KIAA1549: variants seen among roughly 807,000 people sequenced by gnomAD.
The protein encoded by KIAA1549 is KIAA1549.
KIAA1549 carries 70 observed loss-of-function variants against 156.4 expected under a neutral mutation model. The observed-to-expected ratio is 0.45, with a 90% CI of 0.37 to 0.55. KIAA1549 has a LOEUF of 0.55. Ranked by LOEUF, KIAA1549 falls within the 20% of genes least tolerant of loss-of-function variation. The pLI, the probability that KIAA1549 is intolerant of heterozygous loss-of-function variation, is 0.00. For missense variants in KIAA1549, 2,428 were observed against 2,540.9 expected, an observed-to-expected ratio of 0.96 and a Z score of 0.96; for synonymous variants, 1,103 against 1,066.4, an observed-to-expected ratio of 1.03 and a Z score of -0.67.
At chr7:138,890,699 T>G (rs1811521841) in intron 10 of KIAA1549, among the ~76,000 whole-genome samples, 1 of 152,206 alleles carries the variant, frequency 6.6e-6, no homozygotes, top group Non-Finnish European at 1.5e-5. Flanking sequence ...GGGAATGAGC[T>G]GACCTTGGCT....
In KIAA1549 at chr7:138,918,037, A is replaced by G; in HGVS notation, c.1589T>C (p.Val530Ala). 1 of 1,610,950 alleles carries G rather than the reference A, an allele frequency of 6.2e-7. No individual in the cohort carries two copies. Among genetic ancestry groups the G allele is most frequent in the South Asian group, 1.1e-5 (1 of 90,368 alleles). Reference sequence around the variant, plus strand: ...AGCAGTAGGATCAAGTGACGCCGGCACAGAGAGGCGGCCGTGGGCAGGGGG... The same window carrying G: ...AGCAGTAGGATCAAGTGACGCCGGCGCAGAGAGGCGGCCGTGGGCAGGGGG... ...QVPPAHGRLS[V>A]PASLDPTAGS... The change falls in exon 2 of 20, where the codon GTG becomes GCG. Residue 530 changes from valine (V) to alanine (A), a missense_variant. By Grantham distance (64) the Val-to-Ala change is moderately conservative (BLOSUM62 0). This residue lies in a region of KIAA1549 where 893 missense variants were observed against 847.9 expected (regional missense o/e 1.05). Transcript: ENST00000422774. The surrounding 1 kb of genome is among the most constrained non-coding windows in gnomAD (Gnocchi z 4.2).
intron 1 of KIAA1549, among the ~76,000 whole-genome samples, chr7:138,972,916 G>A (rs1420191310): frequency 6.6e-6 from 1 of 152,154 alleles, no homozygotes; most frequent in Non-Finnish European, 1.5e-5. Context: ...CCGCCTCCCA[G>A]ATTCAAGTGA....
intron 12 of KIAA1549, among the ~76,000 whole-genome samples, chr7:138,875,306 A>G (rs990508252): frequency 8.4e-6 from 1 of 119,368 alleles, no homozygotes; most frequent in Non-Finnish European, 1.8e-5. Flanking sequence ...CCATAAATTT[A>G]TATGTTTTCT....
At chr7:138,899,513 T>C (rs1194330988) in intron 8 of KIAA1549, among the ~76,000 whole-genome samples, 1 of 152,226 alleles carries the variant, frequency 6.6e-6, no homozygotes, top group Non-Finnish European at 1.5e-5. Flanking sequence ...GGTACATCCC[T>C]GGTTCTCTGA....
At chr7:138,929,307 A>G (rs1375772908) in intron 1 of KIAA1549, among the ~76,000 whole-genome samples, 33 of 152,240 alleles carry the variant, frequency 2.2e-4, no homozygotes, top group Admixed American at 2.2e-3. Flanking sequence ...CACCAGCACT[A>G]GGTTCCATCT....
In KIAA1549 at chr7:138,919,329, G is replaced by A. The variant is rs148061561; in HGVS notation, c.297C>T (p.Pro99=). The A allele has an allele frequency of 1.3e-4, 202 of 1,613,962 alleles. No homozygotes were observed. Among genetic ancestry groups the A allele is most frequent in the Admixed American group, 1.1e-3 (66 of 60,024 alleles). Residue 99 remains proline (P), a synonymous_variant, in exon 2 of 20, where the codon CCC becomes CCT. Coordinates refer to ENST00000422774, the MANE Select transcript of KIAA1549 (RefSeq NM_001164665.2). ...AAQVALTETA[P]GSQHSSPLHV... is the part of the protein sequence containing the mutation. ...GGAGAGGACTGCTGTGCTGGGAGCC[G>A]GGAGCAGTTTCTGTTAAGGCCACTT...
chr7:138,838,812 C>T (rs1190587223), intron 19 of KIAA1549, among the ~76,000 whole-genome samples: 2 of 152,116 alleles, frequency 1.3e-5, no homozygotes, highest in East Asian at 1.9e-4. Context: ...GTTCTTTCTA[C>T]GTTTCACTTC....
chr7:138,906,015 G>A (rs574842018), intron 6 of KIAA1549, among the ~76,000 whole-genome samples: 3 of 152,162 alleles, frequency 2.0e-5, no homozygotes, highest in South Asian at 2.1e-4. Flanking sequence ...CCACAGATTC[G>A]TCCTCCCTAA....
chr7:138,968,786 G>C (rs914588194), intron 1 of KIAA1549, among the ~76,000 whole-genome samples: 1 of 151,140 alleles, frequency 6.6e-6, no homozygotes, highest in Non-Finnish European at 1.5e-5. Context: ...CGTGAACCTG[G>C]GAGGCAGAGC....
intron 15 of KIAA1549, among the ~76,000 whole-genome samples, chr7:138,863,285 A>G (rs1485697740): frequency 6.6e-6 from 1 of 151,514 alleles, no homozygotes; most frequent in East Asian, 1.9e-4. Context: ...ACGTGCCTGC[A>G]GTTTAGCCCA....
In KIAA1549 at chr7:138,917,402, C is replaced by T. The variant is rs779525532; in HGVS notation, c.2224G>A (p.Ala742Thr). The T allele has an allele frequency of 1.2e-6, 2 of 1,613,922 alleles. No individual in the cohort carries two copies. Among genetic ancestry groups the T allele is most frequent in the Non-Finnish European group, 1.7e-6 (2 of 1,179,852 alleles). The change falls in exon 2 of 20, where the codon GCT becomes ACT. Residue 742 changes from alanine (A) to threonine (T), a missense_variant. This residue lies in a region of KIAA1549 where 762 missense variants were observed against 901.6 expected (regional missense o/e 0.85). Coordinates refer to ENST00000422774, the MANE Select transcript of KIAA1549 (RefSeq NM_001164665.2). ...TCAATGAAAGCTGAGGTAAAATGAGCTTCTGAATCCGTCAGTGAAACCGTA... is the reference window on the plus strand; with the variant it reads ...TCAATGAAAGCTGAGGTAAAATGAGTTTCTGAATCCGTCAGTGAAACCGTA... ...ASTVSLTDSE[A>T]HFTSAFIETT...
chr7:138,895,763 A>T (rs1298341920), intron 9 of KIAA1549, among the ~76,000 whole-genome samples: 6 of 152,152 alleles, frequency 3.9e-5, no homozygotes, highest in Non-Finnish European at 8.8e-5. Flanking sequence ...TGTTTTCCAA[A>T]ATGAAGCTTC....
chr7:138,836,653 A>T lies in KIAA1549; in HGVS notation c.*1253T>A, dbSNP rs1357341021. The stretch of plus-strand genomic sequence containing the variant: ...TGGGGGAAATGTTTACATCAGGAGT[A>T]CATCTTAAGCGAGATGATCCCCTCT... On this transcript the variant is annotated 3_prime_UTR_variant, in exon 20 of 20. Coordinates refer to ENST00000422774, the MANE Select transcript of KIAA1549 (RefSeq NM_001164665.2). The T allele has an allele frequency of 4.6e-6, 1 of 219,188 alleles. No homozygotes were observed. Among genetic ancestry groups the T allele is most frequent in the African/African-American group, 2.2e-5 (1 of 44,550 alleles). 13.6% of individuals were successfully genotyped at this position (219,188 alleles called of 1,614,324 possible). A position where few individuals can be genotyped will look rare whatever the true frequency, so the allele number is the denominator to read the frequency against.
At chr7:138,925,245 A>G (rs1812679849) in intron 1 of KIAA1549, among the ~76,000 whole-genome samples, 1 of 151,984 alleles carries the variant, frequency 6.6e-6, no homozygotes, top group Non-Finnish European at 1.5e-5. Flanking sequence ...ACGAAGTGGT[A>G]CCCTTACATT....
chr7:138,943,218 C>T (rs566868479), intron 1 of KIAA1549, among the ~76,000 whole-genome samples: 46 of 152,306 alleles, frequency 3.0e-4, no homozygotes, highest in Non-Finnish European at 5.7e-4. Flanking sequence ...ACGAGTCCCC[C>T]TCGAGTCCCA....
At chr7:138,870,317 G>A (rs1269561168) in intron 13 of KIAA1549, among the ~76,000 whole-genome samples, 3 of 152,038 alleles carry the variant, frequency 2.0e-5, no homozygotes, top group African/African-American at 7.3e-5. Flanking sequence ...ACTGTGTGGT[G>A]CACTGGAGTC....
chr7:138,894,522 G>A lies in KIAA1549; in HGVS notation c.3852C>T (p.Val1284=), dbSNP rs1291710494. Residue 1284 remains valine (V), a synonymous_variant, in exon 10 of 20, where the codon GTC becomes GTT. Coordinates refer to ENST00000422774, the MANE Select transcript of KIAA1549 (RefSeq NM_001164665.2). ...YRIQGVIAQP[V]DRVKRPSPES... ...CCGGAGACGGCCTCTTCACCCTGTC[G>A]ACAGCTGCAGACAAGGAAGAAAGGT... is the stretch of plus-strand genomic sequence containing the variant. The A allele has an allele frequency of 5.6e-6, 9 of 1,613,846 alleles. No individual in the cohort carries two copies. The highest frequency in any genetic ancestry group is 1.1e-5 in the South Asian group (1 of 91,054).
At chr7:138,853,775 T>C (rs2130352371) in intron 16 of KIAA1549, among the ~76,000 whole-genome samples, 1 of 152,244 alleles carries the variant, frequency 6.6e-6, no homozygotes, top group East Asian at 1.9e-4. Context: ...CCATTCCTTT[T>C]CCAAATAATT....
chr7:138,939,630 G>A (rs1372914397), intron 1 of KIAA1549, among the ~76,000 whole-genome samples: 1 of 152,162 alleles, frequency 6.6e-6, no homozygotes, highest in Admixed American at 6.5e-5. Flanking sequence ...TCCCTAGGTG[G>A]TCCTCTGTAT....
Sources: allele counts gnomAD v4.1 joint callset (sites outside exome capture counted in the v4.1 genomes callset), GRCh38; gene constraint gnomAD v4.1.1; regional missense constraint gnomAD v4.1.1; non-coding constraint Gnocchi (gnomAD v3.1); transcripts MANE v1.5; gene names NCBI Gene and HGNC (gene_info 2026-07-23, HGNC 2026-07-21).